The following ENKUR variants were observed in gnomAD, a reference collection of about 807,000 sequenced individuals.
ENKUR encodes enkurin, TRPC channel interacting protein.
Under a neutral mutation model 27.6 loss-of-function variants are expected in ENKUR, and 19 were observed. The ratio of observed to expected loss-of-function variants is 0.69; its 90% CI spans 0.48 to 1.01. The LOEUF (loss-of-function observed/expected upper bound fraction) is 1.01. ENKUR is among the 50% of genes least tolerant of loss of function. ENKUR has a pLI of 0.00. For synonymous variants in ENKUR, 117 were observed against 96.9 expected (o/e 1.21, Z -1.22); for missense variants, 312 against 310.5 (o/e 1.00, Z -0.04).
chr10:24,999,592 A>T (rs781311629), intron 1 of ENKUR, 46 bp from the exon 2 acceptor site: 1 of 1,483,052 alleles, frequency 6.7e-7, no homozygotes, highest in African/African-American at 1.4e-5. Context: ...TTCTAGTAAA[A>T]ATTACCTAAA....
intron 2 of ENKUR, among the ~76,000 whole-genome samples, chr10:25,054,507 T>C (rs1054751721): frequency 8.3e-6 from 1 of 120,920 alleles, no homozygotes; most frequent in African/African-American, 3.3e-5. Flanking sequence ...CTTTCTTTCT[T>C]TCTTTCCTTT....
At position 24,984,809 on chromosome 10, in the gene ENKUR, C is replaced by G; in HGVS notation, c.691G>C (p.Glu231Gln). ...TGTTCTAGTTGTTTCATTTCTTCTT[C>G]CAGCCTCTGCTTGCGGATCTTCTTT... ...IPKKIRKQRL[E>Q]EEMKQLEHDI... Residue 231 changes from glutamate (E) to glutamine (Q), a missense_variant, in exon 5 of 6, where the codon GAA becomes CAA. Glu to Gln is a conservative substitution (Grantham distance 29). Coordinates refer to ENST00000331161, the MANE Select transcript of ENKUR (RefSeq NM_145010.4). The G allele has an allele frequency of 1.9e-6, 3 of 1,613,814 alleles. No individual in the cohort carries two copies. The highest frequency in any genetic ancestry group is 2.5e-6 in the Non-Finnish European group (3 of 1,179,902).
chr10:25,034,175 G>T (rs1228081110), intron 2 of ENKUR, among the ~76,000 whole-genome samples: 1 of 151,806 alleles, frequency 6.6e-6, no homozygotes, highest in African/African-American at 2.4e-5. Context: ...TTGTAATTTT[G>T]TGTTACAGAT....
chr10:25,024,110 T>C, intron 2 of ENKUR: 1 of 1,614,144 alleles, frequency 6.2e-7, no homozygotes, highest in South Asian at 1.1e-5. Context: ...CAGATACTGT[T>C]GGAAAGATGT....
rs1849716182 is a variant in ENKUR, at chr10:24,983,554, G to A, written c.*816C>T. 1 of 152,094 alleles carries A rather than the reference G, an allele frequency of 6.6e-6. No homozygotes were observed. 9.4% of individuals were successfully genotyped at this position (152,094 alleles called of 1,614,324 possible). A position where few individuals can be genotyped will look rare whatever the true frequency, so the allele number is the denominator to read the frequency against. On this transcript the variant is annotated 3_prime_UTR_variant, in exon 6 of 6. Transcript: ENST00000331161. ...ATATATTATCCTTTATTTTATATCT[G>A]CCCTAAGTTAATAAAGGAATAAAGA... is the stretch of plus-strand genomic sequence containing the variant.
chr10:25,000,218 C>G (rs1237653355), intron 1 of ENKUR, among the ~76,000 whole-genome samples: 2 of 152,032 alleles, frequency 1.3e-5, no homozygotes, highest in Non-Finnish European at 2.9e-5. Context: ...TTTGAATTTT[C>G]TGACATTTGT....
chr10:25,057,204 T>C (rs971757539), intron 2 of ENKUR, among the ~76,000 whole-genome samples: 2 of 152,200 alleles, frequency 1.3e-5, no homozygotes, highest in African/African-American at 4.8e-5. Flanking sequence ...CAAGATGGTA[T>C]GCATCCACAA....
chr10:25,015,398 A>G (rs1428819932), intron 1 of ENKUR, among the ~76,000 whole-genome samples: 2 of 152,354 alleles, frequency 1.3e-5, no homozygotes, highest in East Asian at 1.9e-4. Flanking sequence ...ATGTAAATTT[A>G]TATTTCATAA....
rs77404192 is a variant in ENKUR, at chr10:25,014,794, A to G, written c.77+1066T>C. Among the ~76,000 whole-genome samples the G allele has an allele frequency of 7.5e-3, 1,135 of 152,304 alleles. 18 individuals are homozygous for G. Among genetic ancestry groups the G allele is most frequent in the African/African-American group, 0.025 (1,043 of 41,558 alleles). On this transcript the variant is annotated intron_variant, in intron 1 of 5. Coordinates refer to ENST00000331161, the MANE Select transcript of ENKUR (RefSeq NM_145010.4). ...ATGTTGATATGCTAATGGAGATGTA[A>G]TACAGTTACTGCTCTAATTTAAACC...
At chr10:25,013,156 C>T (rs1162780777) in intron 1 of ENKUR, among the ~76,000 whole-genome samples, 1 of 152,148 alleles carries the variant, frequency 6.6e-6, no homozygotes, top group Non-Finnish European at 1.5e-5. Context: ...GCTTCCTCAG[C>T]CATGTGAAAC....
chr10:25,043,804 A>G (rs1851091453), intron 2 of ENKUR, among the ~76,000 whole-genome samples: 1 of 151,250 alleles, frequency 6.6e-6, no homozygotes, highest in South Asian at 2.1e-4. Context: ...GCTCCAATTT[A>G]GATTACTTTC....
intron 2 of ENKUR, among the ~76,000 whole-genome samples, chr10:25,044,051 GATC>G (rs879355658): frequency 1.7e-4 from 26 of 151,794 alleles, no homozygotes; most frequent in Non-Finnish European, 3.5e-4. Context: ...TCAATGTCTG[GATC>G]ATCTGTAAGA....
chr10:25,024,951 A>G (rs1336743813), intron 2 of ENKUR: 10 of 1,614,140 alleles, frequency 6.2e-6, no homozygotes, highest in Non-Finnish European at 8.5e-6. Context: ...AACGACATTT[A>G]CACTTGATGG....
chr10:25,019,947 T>A (rs998726517), upstream of ENKUR, among the ~76,000 whole-genome samples: 1 of 152,122 alleles, frequency 6.6e-6, no homozygotes, highest in Non-Finnish European at 1.5e-5. Context: ...ATATATGCCT[T>A]CTATGTATAT....
At chr10:24,997,320 G>GTCCTCCAGAACTC (rs1477550626) in intron 2 of ENKUR, among the ~76,000 whole-genome samples, 1 of 151,240 alleles carries the variant, frequency 6.6e-6, no homozygotes, top group African/African-American at 2.4e-5. Flanking sequence ...CTCCAGAACT[G>GTCCTCCAGAACTC]TCCTCCAGAA....
intron 2 of ENKUR, among the ~76,000 whole-genome samples, chr10:25,034,320 A>C (rs1246004448): frequency 1.3e-5 from 2 of 152,124 alleles, no homozygotes; most frequent in African/African-American, 4.8e-5. Context: ...TTTGAATTCC[A>C]CAACCCAATT....
At chr10:25,026,413 T>C (rs1385903248) in intron 2 of ENKUR, 1 of 167,062 alleles carries the variant, frequency 6.0e-6, no homozygotes, top group African/African-American at 2.4e-5. Flanking sequence ...TTTCCAAAAT[T>C]AAGAGTACTT....
Position 25,024,623 on chromosome 10 carries a change from C to T in ENKUR, c.38-28754G>A, listed in dbSNP as rs774623515. 42 of 1,614,062 alleles carry T rather than the reference C, an allele frequency of 2.6e-5. No homozygotes were observed. Among genetic ancestry groups the T allele is most frequent in the Admixed American group, 5.0e-5 (3 of 60,000 alleles). ...GTGGAATATGGAACAATCTTAAGTT[C>T]GGCTAACTCCATAAACTGGGGCCGA... On this transcript the variant is annotated intron_variant, in intron 2 of 5. Coordinates refer to the ENKUR transcript ENST00000615958.
intron 2 of ENKUR, chr10:25,023,841 G>C: frequency 6.2e-7 from 1 of 1,614,108 alleles, no homozygotes; most frequent in Non-Finnish European, 8.5e-7. Context: ...GTGAAAGTGG[G>C]GCTTCCCCAG....
Sources: gnomAD v4.1 joint callset for allele counts (sites outside exome capture counted in the v4.1 genomes callset) on GRCh38, gnomAD v4.1.1 for gene constraint, MANE v1.5 for transcripts, NCBI Gene and HGNC (gene_info 2026-07-23, HGNC 2026-07-21) for gene names.